UBR1: variants seen among roughly 807,000 people sequenced by gnomAD.
UBR1 encodes the protein ubiquitin protein ligase E3 component n-recognin 1, also known as E3 ubiquitin-protein ligase UBR1.
Under a neutral mutation model 242.1 loss-of-function variants are expected in UBR1, and 102 were observed. The observed-to-expected ratio is 0.42, with a 90% CI of 0.36 to 0.50. UBR1 has a LOEUF of 0.50. Among genes scored for constraint, UBR1 ranks in the 20% least tolerant of loss-of-function variants. The pLI is 0.01. For missense variants in UBR1, 1,772 were observed against 2,101.8 expected (o/e 0.84, Z 3.07); for synonymous variants, 675 against 684.8 (o/e 0.99, Z 0.22).
At chr15:42,988,717 G>A in intron 35 of UBR1, 102 bp downstream of exon 35, 1 of 1,489,862 alleles carries the variant, frequency 6.7e-7, no homozygotes, top group Non-Finnish European at 9.4e-7. Context: ...CCTCATACAA[G>A]TCAAATTATT....
At chr15:43,039,970 C>A (rs990450485) in intron 15 of UBR1, among the ~76,000 whole-genome samples, 2 of 152,062 alleles carry the variant, frequency 1.3e-5, no homozygotes, top group Non-Finnish European at 2.9e-5. Flanking sequence ...TGTTTATATG[C>A]TGGATTACAT....
Position 43,086,096 on chromosome 15 carries a change from A to G in UBR1, c.226T>C (p.Trp76Arg). The G allele has an allele frequency of 1.2e-6, 2 of 1,614,116 alleles. No homozygotes were observed. Among genetic ancestry groups the G allele is most frequent in the Non-Finnish European group, 1.7e-6 (2 of 1,180,004 alleles). ...TCTGGATCTTCTCCAAATAAGTACC[A>G]TTCCAGTGGAGTGAATATTGACATT... ...VQMSIFTPLE[W>R]YLFGEDPDIC... Residue 76 changes from tryptophan (W) to arginine (R), a missense_variant, in exon 2 of 47, where the codon TGG becomes CGG. By Grantham distance (101) the Trp-to-Arg change is moderately radical (BLOSUM62 -3). Transcript: ENST00000290650.
Position 42,984,773 on chromosome 15 carries a change from A to T in UBR1, c.4053+114T>A, listed in dbSNP as rs73413054. 2.5e-3 allele frequency: 2,413 copies of T among 968,388 alleles called. 38 individuals carry two copies. The African/African-American group carries it at 0.036, about 14-fold the overall frequency. The allele number at this position is 968,388 out of a possible 1,614,324, so 60.0% of individuals were successfully genotyped here. On this transcript the variant is annotated intron_variant, in intron 36 of 46. Coordinates refer to ENST00000290650, the MANE Select transcript of UBR1 (RefSeq NM_174916.3). ...GCAGTTCCTTTTTTCCCCACTATAG[A>T]ATTCTGCTAATTTTTACAGAAAATG...
At chr15:43,076,601 G>C (rs2033899635) in intron 3 of UBR1, among the ~76,000 whole-genome samples, 1 of 149,908 alleles carries the variant, frequency 6.7e-6, no homozygotes, top group Non-Finnish European at 1.5e-5. Context: ...CCGCAACCCT[G>C]TCTGGGAGGT....
At chr15:43,072,567 C>T (rs1292838227) in intron 4 of UBR1, among the ~76,000 whole-genome samples, 1 of 152,174 alleles carries the variant, frequency 6.6e-6, no homozygotes, top group East Asian at 1.9e-4. Context: ...CAATATTGAA[C>T]AGATATAGCA....
intron 23 of UBR1, 159 bp downstream of exon 23, chr15:43,026,402 C>T (rs1194357662): frequency 3.3e-6 from 2 of 614,396 alleles, no homozygotes; most frequent in East Asian, 2.9e-5. Context: ...TGCCTGTATA[C>T]TAGATAAGAT....
chr15:43,008,871 C>G (rs1297290177), intron 29 of UBR1, among the ~76,000 whole-genome samples: 1 of 152,152 alleles, frequency 6.6e-6, no homozygotes, highest in East Asian at 1.9e-4. Context: ...CACTCTGGAT[C>G]TCCTCTCCAC....
chr15:43,015,335 G>A (rs928343327), intron 29 of UBR1, among the ~76,000 whole-genome samples: 1 of 152,054 alleles, frequency 6.6e-6, no homozygotes, highest in African/African-American at 2.4e-5. Flanking sequence ...GTTGATCTAT[G>A]ACCTTACCCC....
intron 1 of UBR1, among the ~76,000 whole-genome samples, chr15:43,101,401 C>T (rs912334071): frequency 6.6e-6 from 1 of 152,170 alleles, no homozygotes; most frequent in Admixed American, 6.5e-5. Flanking sequence ...GTGACTTGGA[C>T]TACATGGGTG....
At position 42,958,083 on chromosome 15, in the gene UBR1, T is replaced by C; in HGVS notation, c.4765A>G (p.Arg1589Gly). The change falls in exon 44 of 47, where the codon AGA (arginine) becomes GGA (glycine). Residue 1589 changes from arginine (R) to glycine (G), a missense_variant. Around this residue, in one of 3 missense-constraint regions of UBR1, gnomAD observed 965 missense variants for 1,079.7 expected, o/e 0.89. Coordinates refer to ENST00000290650, the MANE Select transcript of UBR1 (RefSeq NM_174916.3). Reference sequence around the variant, plus strand: ...AGCTCTATCAAACTATTTCTTTTTCTAGGGTACCTACAATGTAATTTAAAA... The same window carrying C: ...AGCTCTATCAAACTATTTCTTTTTCCAGGGTACCTACAATGTAATTTAAAA... ...KQKNTVVRYP[R>G]KRNSLIELPD... 6.2e-7 allele frequency: 1 copy of C among 1,612,790 alleles called. No homozygotes were observed. Among genetic ancestry groups the C allele is most frequent in the Non-Finnish European group, 8.5e-7 (1 of 1,179,196 alleles).
intron 33 of UBR1, among the ~76,000 whole-genome samples, chr15:42,994,405 A>G (rs925624525): frequency 2.0e-5 from 3 of 149,838 alleles, no homozygotes; most frequent in African/African-American, 7.5e-5. Context: ...AAAAAAAAAA[A>G]AATCCGTGGG....
chr15:43,056,214 A>G (rs1435279348), intron 11 of UBR1, 130 bp downstream of exon 11: 5 of 746,886 alleles, frequency 6.7e-6, no homozygotes, highest in Non-Finnish European at 1.2e-5. Flanking sequence ...CTTGGGTAGC[A>G]CTAAAGTATT....
In UBR1 at chr15:42,964,447, C is replaced by T. The variant is rs567680819; in HGVS notation, c.4592-404G>A. 2.0e-5 allele frequency among the ~76,000 whole-genome samples: 3 copies of T among 151,604 alleles called. No individual in the cohort carries two copies. In the East Asian group the frequency reaches 5.8e-4, roughly 30 times the overall value. On this transcript the variant is annotated intron_variant, in intron 41 of 46. Transcript: ENST00000290650. ...TCGCGCTATTGCACTCCAGCCTGGG[C>T]AACAAGAGCGAAACTCCGTCTCAAA... is the stretch of plus-strand genomic sequence containing the variant.
At chr15:43,082,556 G>T in intron 3 of UBR1, 82 bp downstream of exon 3, 1 of 1,041,158 alleles carries the variant, frequency 9.6e-7, no homozygotes, top group Non-Finnish European at 1.5e-6. Context: ...GTTATAGCAG[G>T]AATGTGAATA....
intron 6 of UBR1, among the ~76,000 whole-genome samples, chr15:43,065,088 A>G (rs1429123494): frequency 6.6e-6 from 1 of 152,218 alleles, no homozygotes; most frequent in Non-Finnish European, 1.5e-5. Context: ...CTAGTACTGT[A>G]GTTGAAAATC....
Position 43,075,028 on chromosome 15 carries a change from C to A in UBR1, c.479G>T (p.Gly160Val). ...AGGTTCATGATTTACACAAAAAGGG[C>A]CAGTTTTCCATGCCTCTGTGTCTCC... is the stretch of plus-strand genomic sequence containing the variant. The part of the protein sequence containing the change: ...DCGDTEAWKT[G>V]PFCVNHEPGR... The change falls in exon 4 of 47, where the codon GGC becomes GTC. Residue 160 changes from glycine to valine, a missense_variant. By Grantham distance (109) the Gly-to-Val change is moderately radical (BLOSUM62 -3). Transcript: ENST00000290650. 6.2e-7 allele frequency: 1 copy of A among 1,614,102 alleles called. No homozygotes were observed. Among genetic ancestry groups the A allele is most frequent in the Non-Finnish European group, 8.5e-7 (1 of 1,179,998 alleles).
At chr15:42,987,204 G>T (rs77015527) in intron 35 of UBR1, among the ~76,000 whole-genome samples, 1 of 152,218 alleles carries the variant, frequency 6.6e-6, no homozygotes, top group Non-Finnish European at 1.5e-5. Flanking sequence ...GGCAGAGCCG[G>T]GATGGGCCCT....
Position 43,043,225 on chromosome 15 carries a change from C to T in UBR1, c.1839G>A (p.Arg613=). 6.2e-7 allele frequency: 1 copy of T among 1,614,108 alleles called. No individual in the cohort carries two copies. Among genetic ancestry groups the T allele is most frequent in the South Asian group, 1.1e-5 (1 of 91,076 alleles). ...DLVSIHLPLS[R]TLAGLHVRLS... ...AAAACAAACACTCACCAGCAAGGGT[C>T]CTAGAGAGTGGCAGATGTATGCTTA... Residue 613 remains arginine (R), a synonymous_variant, in exon 15 of 47, where the codon AGG becomes AGA. Coordinates refer to ENST00000290650, the MANE Select transcript of UBR1 (RefSeq NM_174916.3).
chr15:43,087,265 C>T (rs1485176958), intron 1 of UBR1, among the ~76,000 whole-genome samples: 1 of 151,920 alleles, frequency 6.6e-6, no homozygotes, highest in East Asian at 1.9e-4. Flanking sequence ...ATTAGCCAGG[C>T]GTGCTGGCGG....
Sources: gnomAD v4.1 joint callset for allele counts (sites outside exome capture counted in the v4.1 genomes callset) on GRCh38, gnomAD v4.1.1 for gene constraint, gnomAD v4.1.1 regional missense constraint, MANE v1.5 for transcripts, NCBI Gene and HGNC (gene_info 2026-07-23, HGNC 2026-07-21) for gene names.